Variants in ROBO1 observed in about 807,000 individuals in gnomAD.
The protein encoded by ROBO1 is roundabout guidance receptor 1, also known as roundabout homolog 1.
ROBO1 carries 149 observed loss-of-function variants against 195.9 expected under a neutral mutation model. That is an observed-to-expected ratio of 0.76 (90% CI 0.67 to 0.87). The LOEUF (loss-of-function observed/expected upper bound fraction) is 0.87. ROBO1 is among the 40% of genes least tolerant of loss of function. The pLI is 0.00. For missense variants in ROBO1, 1,933 were observed against 2,068.3 expected (o/e 0.93, Z 1.27); for synonymous variants, 816 against 733.2 (o/e 1.11, Z -1.82).
In ROBO1 at chr3:78,661,214, C is replaced by T. The variant is rs1553695192; in HGVS notation, c.2136G>A (p.Arg712=). The T allele has an allele frequency of 6.2e-7, 1 of 1,612,258 alleles. No homozygotes were observed. The highest frequency in any genetic ancestry group is 8.5e-7 in the Non-Finnish European group (1 of 1,179,078). Residue 712 remains arginine (R), a synonymous_variant, in exon 16 of 31, where the codon CGG becomes CGA. Transcript: ENST00000464233. ...QYIQGYKILY[R]PSGANHGESD... is the part of the protein sequence containing the mutation. The stretch of plus-strand genomic sequence containing the variant: ...ATTCTCCGTGGTTGGCTCCAGATGG[C>T]CGATAGAGAATTTTATATCCTTGTA...
At chr3:79,567,746 G>C (rs1160039425) in intron 2 of ROBO1, among the ~76,000 whole-genome samples, 1 of 151,934 alleles carries the variant, frequency 6.6e-6, no homozygotes, top group Non-Finnish European at 1.5e-5. Flanking sequence ...AAAATACATT[G>C]AAAAACTAAA....
intron 4 of ROBO1, among the ~76,000 whole-genome samples, chr3:78,912,006 A>G (rs1047905929): frequency 6.6e-6 from 1 of 152,108 alleles, no homozygotes; most frequent in African/African-American, 2.4e-5. Context: ...TAACAAAAAT[A>G]TTTTGATGGT....
intron 2 of ROBO1, among the ~76,000 whole-genome samples, chr3:79,337,646 C>T (rs748527545): frequency 2.0e-5 from 3 of 152,186 alleles, no homozygotes; most frequent in Non-Finnish European, 1.5e-5. Flanking sequence ...ATACCTTACT[C>T]ATACTTTCTC....
At chr3:79,452,796 T>C (rs1240865555) in intron 2 of ROBO1, among the ~76,000 whole-genome samples, 1 of 152,094 alleles carries the variant, frequency 6.6e-6, no homozygotes, top group Non-Finnish European at 1.5e-5. Context: ...CTCCCATATT[T>C]TCTCCAGACA....
Position 78,960,122 on chromosome 3 carries a change from C to T in ROBO1, c.173-21195G>A, listed in dbSNP as rs927816450. On this transcript the variant is annotated intron_variant, in intron 3 of 30. Transcript: ENST00000464233. ...CAAGGCTGTAATGCACCTATGATCA[C>T]ACCCGTGATTAGCCCCTGCACTCCA... Among the ~76,000 whole-genome samples, 8 of 152,026 alleles carry T rather than the reference C, an allele frequency of 5.3e-5. No individual in the cohort carries two copies. The East Asian group carries it at 1.4e-3, about 26-fold the overall frequency.
chr3:78,776,239 C>CTTATTTAT (rs4055619), intron 4 of ROBO1, among the ~76,000 whole-genome samples: 66 of 150,858 alleles, frequency 4.4e-4, no homozygotes, highest in Middle Eastern at 3.4e-3. Flanking sequence ...TGAAGAAATT[C>CTTATTTAT]TTATTTATTT....
At chr3:79,741,630 G>T (rs1400787244) in intron 1 of ROBO1, among the ~76,000 whole-genome samples, 1 of 152,268 alleles carries the variant, frequency 6.6e-6, no homozygotes, top group East Asian at 1.9e-4. Flanking sequence ...GTGAGGCATT[G>T]CTATAAAGAT....
Position 78,840,945 on chromosome 3 carries a change from C to T in ROBO1, c.500-94045G>A, listed in dbSNP as rs1033668328. Reference sequence around the variant, plus strand: ...GGCGTGGTGGTGGGCGCCTGTAGTCCCAGCTACTTGGGAGGCTGAGGCAGG... The same window carrying T: ...GGCGTGGTGGTGGGCGCCTGTAGTCTCAGCTACTTGGGAGGCTGAGGCAGG... On this transcript the variant is annotated intron_variant, in intron 4 of 30. Transcript: ENST00000464233. 5.9e-5 allele frequency among the ~76,000 whole-genome samples: 9 copies of T among 151,476 alleles called. No homozygotes were observed. The South Asian group carries it at 6.3e-4, about 11-fold the overall frequency.
chr3:78,662,191 G>T, intron 14 of ROBO1, 77 bp from the exon 15 acceptor site: 5 of 1,329,804 alleles, frequency 3.8e-6, no homozygotes, highest in Non-Finnish European at 5.1e-6. Flanking sequence ...GAAACAAACT[G>T]TTCATTCATA....
intron 28 of ROBO1, among the ~76,000 whole-genome samples, chr3:78,610,229 T>C (rs975281813): frequency 2.0e-5 from 3 of 152,218 alleles, no homozygotes; most frequent in Admixed American, 2.0e-4. Flanking sequence ...AAGTGTGTTT[T>C]TCCTCCTTTG....
intron 10 of ROBO1, among the ~76,000 whole-genome samples, chr3:78,676,342 TTG>T (rs1708424979): frequency 6.6e-6 from 1 of 151,946 alleles, no homozygotes; most frequent in African/African-American, 2.4e-5. Context: ...CTTTGACGAG[TTG>T]AGAGAAGAAG....
At chr3:79,291,562 C>T (rs1366101087) in intron 2 of ROBO1, among the ~76,000 whole-genome samples, 1 of 152,174 alleles carries the variant, frequency 6.6e-6, no homozygotes, top group Non-Finnish European at 1.5e-5. Context: ...CAATTATATA[C>T]TTCTCCTTCG....
At chr3:79,251,748 TCAAACAAACAAAAGCAAACAAAAAA>T (rs2082733569) in intron 2 of ROBO1, among the ~76,000 whole-genome samples, 1 of 151,774 alleles carries the variant, frequency 6.6e-6, no homozygotes, top group Non-Finnish European at 1.5e-5. Context: ...ATAATCTGCC[TCAAACAAACAAAAGCAAACAAAAAA>T]CAAACAAACA....
intron 2 of ROBO1, among the ~76,000 whole-genome samples, chr3:79,333,063 G>T (rs888814491): frequency 6.6e-6 from 1 of 151,846 alleles, no homozygotes; most frequent in South Asian, 2.1e-4. Context: ...ATTAGCCAGG[G>T]GGGGTAGCAT....
Position 79,562,836 on chromosome 3 carries a change from CA to C in ROBO1, c.88+26987del, listed in dbSNP as rs1395094246. 2.6e-5 allele frequency among the ~76,000 whole-genome samples: 4 copies of C among 151,980 alleles called. No homozygotes were observed. The East Asian group carries it at 7.7e-4, about 29-fold the overall frequency. On this transcript the variant is annotated intron_variant, in intron 2 of 30. Coordinates refer to ENST00000464233, the MANE Select transcript of ROBO1 (RefSeq NM_002941.4). ...ATTCAAAAACCAAAGCAAATGAAAA[CA>C]AAACCTCCGGTAAATTCTGCCCTCT... is the stretch of plus-strand genomic sequence containing the variant.
intron 4 of ROBO1, among the ~76,000 whole-genome samples, chr3:78,821,951 A>G (rs2108682907): frequency 6.6e-6 from 1 of 152,218 alleles, no homozygotes; most frequent in South Asian, 2.1e-4. Context: ...ATGAGCAGAT[A>G]GATTATCATT....
intron 3 of ROBO1, among the ~76,000 whole-genome samples, chr3:78,968,360 T>C (rs1268367816): frequency 6.6e-6 from 1 of 150,868 alleles, no homozygotes; most frequent in African/African-American, 2.4e-5. Context: ...CTGCAACCTC[T>C]GCTTCCCAGG....
intron 3 of ROBO1, among the ~76,000 whole-genome samples, chr3:78,995,268 C>T (rs2077335573): frequency 6.6e-6 from 1 of 152,122 alleles, no homozygotes; most frequent in African/African-American, 2.4e-5. Flanking sequence ...CCAAATCCTG[C>T]CTTCAGGAAT....
At chr3:78,728,206 A>C (rs2108165547) in intron 5 of ROBO1, among the ~76,000 whole-genome samples, 1 of 152,226 alleles carries the variant, frequency 6.6e-6, no homozygotes, top group Middle Eastern at 3.4e-3. Context: ...AAGGGGAAGG[A>C]GGAGGAGAAG....
Sources: allele counts gnomAD v4.1 joint callset (sites outside exome capture counted in the v4.1 genomes callset), GRCh38; gene constraint gnomAD v4.1.1; transcripts MANE v1.5; gene names NCBI Gene and HGNC (gene_info 2026-07-23, HGNC 2026-07-21).